The following NRXN3 variants were observed in gnomAD, a reference collection of about 807,000 sequenced individuals.
NRXN3 encodes the protein neurexin 3.
In NRXN3, 32 loss-of-function variants were observed where a neutral mutation model predicts 137.6. The ratio of observed to expected loss-of-function variants is 0.23; its 90% CI spans 0.18 to 0.31. The LOEUF (loss-of-function observed/expected upper bound fraction) is 0.31. Among genes scored for constraint, NRXN3 ranks in the 10% least tolerant of loss-of-function variants. The pLI is 1.00. For missense variants in NRXN3, 1,574 were observed against 2,062.5 expected (o/e 0.76, Z 4.59); for synonymous variants, 798 against 784.5 (o/e 1.02, Z -0.29).
intron 16 of NRXN3, among the ~76,000 whole-genome samples, chr14:79,474,999 A>T (rs1160512500): frequency 6.6e-6 from 1 of 152,096 alleles, no homozygotes; most frequent in African/African-American, 2.4e-5. Context: ...GGTACCAGAT[A>T]AAGTCACAAA....
intron 6 of NRXN3, among the ~76,000 whole-genome samples, chr14:78,658,154 G>A (rs1324439047): frequency 3.3e-5 from 5 of 152,120 alleles, no homozygotes; most frequent in East Asian, 1.9e-4. Flanking sequence ...ACTGTGCAGC[G>A]TAGGGCTAGT....
chr14:78,660,283 A>C (rs1458369050), intron 6 of NRXN3, among the ~76,000 whole-genome samples: 1 of 147,848 alleles, frequency 6.8e-6, no homozygotes, highest in Admixed American at 6.7e-5. Flanking sequence ...ATATTTGGCA[A>C]CTGGGTATTC....
chr14:79,385,966 A>C (rs571920304), intron 15 of NRXN3, among the ~76,000 whole-genome samples: 31 of 152,292 alleles, frequency 2.0e-4, no homozygotes, highest in Non-Finnish European at 4.1e-4. Flanking sequence ...AAATCATAAG[A>C]GCTATCTATG....
At chr14:78,593,332 T>C (rs2097132820) in intron 4 of NRXN3, among the ~76,000 whole-genome samples, 1 of 152,192 alleles carries the variant, frequency 6.6e-6, no homozygotes, top group Non-Finnish European at 1.5e-5. Context: ...ATGCCTTCTC[T>C]GAAAGCGTCC....
At chr14:78,488,253 C>T (rs2095600696) in intron 4 of NRXN3, among the ~76,000 whole-genome samples, 1 of 152,146 alleles carries the variant, frequency 6.6e-6, no homozygotes, top group Non-Finnish European at 1.5e-5. Flanking sequence ...CACCTATCTC[C>T]AAATACAGTC....
At chr14:79,279,757 C>T in intron 15 of NRXN3, 1 of 987,854 alleles carries the variant, frequency 1.0e-6, no homozygotes, top group Non-Finnish European at 1.2e-6. Context: ...CCACCTGCAG[C>T]CCCCTTTTGC....
intron 13 of NRXN3, among the ~76,000 whole-genome samples, chr14:78,967,816 A>G (rs1035926324): frequency 3.9e-5 from 6 of 152,202 alleles, no homozygotes; most frequent in Non-Finnish European, 7.3e-5. Flanking sequence ...GTTTCTGTAT[A>G]GGTCGTGAGA....
At chr14:79,596,128 C>T (rs889131212) in intron 16 of NRXN3, among the ~76,000 whole-genome samples, 1 of 151,904 alleles carries the variant, frequency 6.6e-6, no homozygotes, top group African/African-American at 2.4e-5. Flanking sequence ...GTAATACACC[C>T]TTTCTAGCAA....
intron 4 of NRXN3, among the ~76,000 whole-genome samples, chr14:78,551,775 A>G (rs1055411039): frequency 6.1e-5 from 8 of 131,108 alleles, no homozygotes; most frequent in African/African-American, 2.4e-4. Flanking sequence ...TCCCTTCCCC[A>G]CTCTACTTCC....
chr14:78,754,264 A>G (rs531355355), intron 8 of NRXN3, among the ~76,000 whole-genome samples: 1 of 152,224 alleles, frequency 6.6e-6, no homozygotes, highest in South Asian at 2.1e-4. Flanking sequence ...CTCCCAGTTA[A>G]TTATTTTAAC....
At chr14:79,512,521 A>G (rs1478286687) in intron 16 of NRXN3, among the ~76,000 whole-genome samples, 2 of 152,240 alleles carry the variant, frequency 1.3e-5, no homozygotes, top group Non-Finnish European at 1.5e-5. Context: ...GTGACAGATC[A>G]ATGTTGAAGC....
At chr14:79,316,888 A>G (rs2088875943) in intron 15 of NRXN3, among the ~76,000 whole-genome samples, 1 of 152,108 alleles carries the variant, frequency 6.6e-6, no homozygotes, top group South Asian at 2.1e-4. Context: ...GGCTTACAAC[A>G]ATACAAAGTT....
intron 15 of NRXN3, among the ~76,000 whole-genome samples, chr14:79,301,208 G>C (rs2085081491): frequency 6.6e-6 from 1 of 152,022 alleles, no homozygotes; most frequent in South Asian, 2.1e-4. Context: ...CAAAGCCCAG[G>C]TTCCCAGCTC....
chr14:79,358,310 C>T (rs112768850), intron 15 of NRXN3, among the ~76,000 whole-genome samples: 4,472 of 152,112 alleles, frequency 0.029, 102 homozygotes, highest in Non-Finnish European at 0.044. Flanking sequence ...CGCCTGTAAT[C>T]CCAGCACTTC....
At chr14:78,365,028 T>C (rs1449024553) in intron 4 of NRXN3, among the ~76,000 whole-genome samples, 3 of 152,198 alleles carry the variant, frequency 2.0e-5, no homozygotes, top group African/African-American at 7.2e-5. Context: ...TGCCTAGTAA[T>C]GCAATGGAAC....
intron 10 of NRXN3, among the ~76,000 whole-genome samples, chr14:78,942,110 G>A (rs1436660281): frequency 6.6e-6 from 1 of 152,210 alleles, no homozygotes; most frequent in Admixed American, 6.5e-5. Context: ...GTAGCTCAGA[G>A]TGTGGGCTCT....
At chr14:78,567,710 A>C (rs2096849059) in intron 4 of NRXN3, among the ~76,000 whole-genome samples, 1 of 152,134 alleles carries the variant, frequency 6.6e-6, no homozygotes, top group Non-Finnish European at 1.5e-5. Context: ...AATAATAGTA[A>C]ATAAACATTA....
At chr14:79,584,191 G>GC (rs1288494115) in intron 16 of NRXN3, among the ~76,000 whole-genome samples, 1 of 152,100 alleles carries the variant, frequency 6.6e-6, no homozygotes, top group African/African-American at 2.4e-5. Flanking sequence ...ACTACTCCTA[G>GC]CCCCCAGGCC....
At chr14:79,341,846 A>G (rs2153365391) in intron 15 of NRXN3, among the ~76,000 whole-genome samples, 1 of 152,334 alleles carries the variant, frequency 6.6e-6, no homozygotes, top group South Asian at 2.1e-4. Flanking sequence ...AAGACCCCAA[A>G]GGTTAAAAAC....
Sources: allele counts gnomAD v4.1 joint callset (sites outside exome capture counted in the v4.1 genomes callset), GRCh38; gene constraint gnomAD v4.1.1; transcripts MANE v1.5; gene names NCBI Gene and HGNC (gene_info 2026-07-23, HGNC 2026-07-21).